Variants in LRRC4C observed in about 807,000 individuals in gnomAD.
The protein encoded by LRRC4C is leucine-rich repeat-containing protein 4C.
In LRRC4C, 5 loss-of-function variants were observed where a neutral mutation model predicts 33.6. The ratio of observed to expected loss-of-function variants is 0.15; its 90% confidence interval spans 0.08 to 0.31. The LOEUF is 0.31. Among genes scored for constraint, LRRC4C ranks in the 10% least tolerant of loss-of-function variants. The probability of loss-of-function intolerance (pLI) is 1.00; values close to 1 mark genes in which losing one functional copy is unlikely to be tolerated. For missense variants in LRRC4C, 560 were observed against 796.7 expected, an observed-to-expected ratio of 0.70 and a Z score of 3.58; for synonymous variants, 329 against 302.0, an observed-to-expected ratio of 1.09 and a Z score of -0.93.
chr11:40,916,186 C>T (rs1956948822), intron 2 of LRRC4C, among the ~76,000 whole-genome samples: 1 of 152,182 alleles, frequency 6.6e-6, no homozygotes, highest in Admixed American at 6.5e-5. Context: ...ACCCAGTCAT[C>T]CCATTACTGG....
At chr11:40,552,254 T>C (rs565705899) in intron 3 of LRRC4C, among the ~76,000 whole-genome samples, 87 of 152,324 alleles carry the variant, frequency 5.7e-4, no homozygotes, top group African/African-American at 2.0e-3. Flanking sequence ...GTTGAATGTA[T>C]GAATACATCA....
intron 1 of LRRC4C, among the ~76,000 whole-genome samples, chr11:41,377,399 G>T (rs1299625390): frequency 6.6e-6 from 1 of 152,122 alleles, no homozygotes; most frequent in African/African-American, 2.4e-5. Flanking sequence ...CTAATAAGCA[G>T]CCTGGGCTAG....
At chr11:41,296,607 G>A (rs1278429425) in intron 1 of LRRC4C, among the ~76,000 whole-genome samples, 3 of 151,892 alleles carry the variant, frequency 2.0e-5, no homozygotes, top group African/African-American at 7.3e-5. Flanking sequence ...GAGTGAATTG[G>A]GCCTATGCTG....
intron 3 of LRRC4C, among the ~76,000 whole-genome samples, chr11:40,373,127 T>G (rs1225224311): frequency 1.3e-5 from 2 of 151,828 alleles, no homozygotes; most frequent in East Asian, 3.9e-4. Flanking sequence ...AATTATAAAG[T>G]CAAATAGCAA....
intron 3 of LRRC4C, among the ~76,000 whole-genome samples, chr11:40,470,627 T>G (rs1280972441): frequency 6.6e-6 from 1 of 152,126 alleles, no homozygotes; most frequent in Non-Finnish European, 1.5e-5. Context: ...GCAAGGAAGC[T>G]AAGAACCTTG....
At chr11:40,846,054 G>A (rs1442628007) in intron 2 of LRRC4C, among the ~76,000 whole-genome samples, 2 of 145,606 alleles carry the variant, frequency 1.4e-5, no homozygotes, top group Non-Finnish European at 3.0e-5. Context: ...ATTTGTTTGA[G>A]TTCCTTGTGG....
chr11:40,255,400 A>G lies in LRRC4C; in HGVS notation c.-175-13802T>C, dbSNP rs1867124486. Among the ~76,000 whole-genome samples the G allele has an allele frequency of 2.0e-5, 3 of 152,196 alleles. No individual in the cohort carries two copies. The South Asian group carries it at 6.2e-4, about 31-fold the overall frequency. Reference sequence around the variant, plus strand: ...TGAAACTTTCATGATGATTCTAGCTATTGCTCCAAAGCGTCAATACAGCAA... The same window carrying G: ...TGAAACTTTCATGATGATTCTAGCTGTTGCTCCAAAGCGTCAATACAGCAA... On this transcript the variant is annotated intron_variant, in intron 4 of 6. Transcript: ENST00000528697.
At chr11:40,939,591 G>T (rs897978027) in intron 1 of LRRC4C, among the ~76,000 whole-genome samples, 1 of 152,082 alleles carries the variant, frequency 6.6e-6, no homozygotes, top group Non-Finnish European at 1.5e-5. Context: ...CCAGAAACTA[G>T]ACACTTTGTA....
chr11:40,731,467 G>C (rs983579838), intron 2 of LRRC4C, among the ~76,000 whole-genome samples: 4 of 152,098 alleles, frequency 2.6e-5, no homozygotes, highest in Non-Finnish European at 5.9e-5. Flanking sequence ...CCAAGCAGAT[G>C]CTGGTACCAT....
At chr11:40,975,349 T>G (rs1452894723) in intron 1 of LRRC4C, among the ~76,000 whole-genome samples, 1 of 152,198 alleles carries the variant, frequency 6.6e-6, no homozygotes, top group East Asian at 1.9e-4. Context: ...ATCTAACTAC[T>G]TATGGATAGA....
intron 1 of LRRC4C, among the ~76,000 whole-genome samples, chr11:41,423,265 G>A (rs1047724611): frequency 2.6e-5 from 4 of 151,944 alleles, no homozygotes; most frequent in African/African-American, 2.4e-5. Context: ...AAATGGAGTG[G>A]GTAGGAGTAG....
At chr11:41,052,525 A>G (rs1858310884) in intron 1 of LRRC4C, among the ~76,000 whole-genome samples, 1 of 151,762 alleles carries the variant, frequency 6.6e-6, no homozygotes, top group Non-Finnish European at 1.5e-5. Flanking sequence ...TTTCGTATTT[A>G]AAAGTTTTAC....
intron 2 of LRRC4C, among the ~76,000 whole-genome samples, chr11:40,720,691 T>A (rs552447520): frequency 2.0e-5 from 3 of 152,192 alleles, no homozygotes; most frequent in African/African-American, 7.2e-5. Flanking sequence ...TGTAACTTGA[T>A]AGAGGTCTCA....
At chr11:40,590,630 T>G (rs367598630) in intron 3 of LRRC4C, among the ~76,000 whole-genome samples, 33,678 of 146,300 alleles carry the variant, frequency 0.23, 1,920 homozygotes, top group Middle Eastern at 0.3. Flanking sequence ...TGGTCTTTGA[T>G]GATGGTGATG....
intron 3 of LRRC4C, among the ~76,000 whole-genome samples, chr11:40,392,407 T>C (rs1198197859): frequency 6.6e-6 from 1 of 152,136 alleles, no homozygotes; most frequent in Admixed American, 6.6e-5. Flanking sequence ...GAGGAAACTG[T>C]GTATATGGTA....
chr11:40,465,712 A>G lies in LRRC4C; in HGVS notation c.-269-145991T>C, dbSNP rs143674645. On this transcript the variant is annotated intron_variant, in intron 3 of 6. Coordinates refer to ENST00000528697, the MANE Select transcript of LRRC4C (RefSeq NM_001258419.2). ...TATGAATAAATGCTCAACGTTATTAATCACCAGAGAAGTGCAAATTAAAAC... is the reference window on the plus strand; with the variant it reads ...TATGAATAAATGCTCAACGTTATTAGTCACCAGAGAAGTGCAAATTAAAAC... Among the ~76,000 whole-genome samples, 254 of 152,172 alleles carry G rather than the reference A, an allele frequency of 1.7e-3. 3 individuals carry two copies. In the East Asian group the frequency reaches 0.024, roughly 14 times the overall value.
chr11:41,101,812 A>G (rs944674729), intron 1 of LRRC4C, among the ~76,000 whole-genome samples: 1 of 152,204 alleles, frequency 6.6e-6, no homozygotes, highest in African/African-American at 2.4e-5. Flanking sequence ...CCATAAAAAA[A>G]GAGAGCATTA....
At chr11:40,943,264 G>T (rs1445392718) in intron 1 of LRRC4C, among the ~76,000 whole-genome samples, 4 of 152,132 alleles carry the variant, frequency 2.6e-5, no homozygotes, top group African/African-American at 9.7e-5. Flanking sequence ...CTGCAGGCAG[G>T]TTATTTCCCC....
At chr11:41,389,303 G>C (rs558193119) in intron 1 of LRRC4C, among the ~76,000 whole-genome samples, 2 of 151,924 alleles carry the variant, frequency 1.3e-5, no homozygotes, top group South Asian at 4.1e-4. Context: ...GGTTCCAAGA[G>C]TTAAAGGCTA....
Sources: gnomAD v4.1 joint callset for allele counts (sites outside exome capture counted in the v4.1 genomes callset) on GRCh38, gnomAD v4.1.1 for gene constraint, MANE v1.5 for transcripts, NCBI Gene and HGNC (gene_info 2026-07-23, HGNC 2026-07-21) for gene names.